Variants in DAPK2 observed in about 807,000 individuals in gnomAD.
DAPK2 encodes the protein death-associated protein kinase 2.
DAPK2 carries 35 observed loss-of-function variants against 44.1 expected under a neutral mutation model. The observed-to-expected ratio is 0.79, with a 90% CI of 0.61 to 1.05. The LOEUF is 1.05. Among genes scored for constraint, DAPK2 ranks in the 50% least tolerant of loss-of-function variants. The pLI is 0.00. For missense variants in DAPK2, 453 were observed against 483.2 expected (o/e 0.94, Z 0.59); for synonymous variants, 174 against 182.6 (o/e 0.95, Z 0.38).
At chr15:63,983,411 C>T in intron 2 of DAPK2, 122 bp downstream of exon 3, 1 of 821,100 alleles carries the variant, frequency 1.2e-6, no homozygotes, top group Non-Finnish European at 1.9e-6. Context: ...ACTGACTTCA[C>T]CTCCTCTGGG....
chr15:63,936,384 G>A (rs2077149484), intron 4 of DAPK2, among the ~76,000 whole-genome samples: 1 of 152,184 alleles, frequency 6.6e-6, no homozygotes, highest in Non-Finnish European at 1.5e-5. Context: ...GCCAAGGCAG[G>A]GGGATCACTT....
chr15:64,003,002 G>C (rs941291319), intron 1 of DAPK2, among the ~76,000 whole-genome samples: 4 of 150,202 alleles, frequency 2.7e-5, no homozygotes, highest in Non-Finnish European at 4.4e-5. Context: ...GTGTGTGTGT[G>C]TGTGTGTGTG....
intron 8 of DAPK2, among the ~76,000 whole-genome samples, chr15:63,915,917 G>A (rs185515091): frequency 7.9e-5 from 12 of 152,258 alleles, no homozygotes; most frequent in Non-Finnish European, 1.8e-4. Context: ...GTTCCCAGAG[G>A]GAATGTGGCA....
chr15:64,002,031 A>G (rs1412372550), intron 1 of DAPK2, among the ~76,000 whole-genome samples: 2 of 152,334 alleles, frequency 1.3e-5, no homozygotes, highest in East Asian at 1.9e-4. Flanking sequence ...TTGAAGAGCA[A>G]CTTCATGATT....
exon 11 of DAPK2, chr15:63,907,906 C>A (rs1396444798): frequency 6.6e-6 from 1 of 152,246 alleles, no homozygotes; most frequent in Non-Finnish European, 1.5e-5. Flanking sequence ...GGGGGTAGCC[C>A]TAAAAGAAGC....
intron 1 of DAPK2, among the ~76,000 whole-genome samples, chr15:64,037,976 T>A (rs1310435270): frequency 6.6e-6 from 1 of 152,164 alleles, no homozygotes; most frequent in African/African-American, 2.4e-5. Context: ...ATGAGCTGCA[T>A]GGGATCTCCA....
At chr15:63,961,747 C>A (rs1051759258) in intron 3 of DAPK2, among the ~76,000 whole-genome samples, 1 of 152,164 alleles carries the variant, frequency 6.6e-6, no homozygotes, top group Admixed American at 6.5e-5. Flanking sequence ...GTGGGTAACC[C>A]GACCTTTCTC....
At chr15:63,955,675 C>G (rs2077704329) in intron 3 of DAPK2, among the ~76,000 whole-genome samples, 1 of 152,122 alleles carries the variant, frequency 6.6e-6, no homozygotes, top group South Asian at 2.1e-4. Flanking sequence ...TTAGGTGATC[C>G]TCCCATCTCA....
intron 1 of DAPK2, among the ~76,000 whole-genome samples, chr15:64,008,603 T>C (rs2079302205): frequency 6.6e-6 from 1 of 152,202 alleles, no homozygotes; most frequent in Admixed American, 6.5e-5. Flanking sequence ...TAGACAATTA[T>C]ATAAACATTA....
At chr15:64,012,234 G>A (rs955662168) in intron 1 of DAPK2, among the ~76,000 whole-genome samples, 2 of 152,134 alleles carry the variant, frequency 1.3e-5, no homozygotes, top group East Asian at 1.9e-4. Flanking sequence ...ACCATACTGC[G>A]GGATGGGAGA....
intron 1 of DAPK2, among the ~76,000 whole-genome samples, chr15:64,004,224 A>G (rs973551285): frequency 2.0e-5 from 3 of 152,016 alleles, no homozygotes; most frequent in African/African-American, 7.3e-5. Flanking sequence ...CCACTTCCTG[A>G]TAGTATTGTT....
At chr15:64,008,313 G>T (rs1355685629) in intron 1 of DAPK2, among the ~76,000 whole-genome samples, 1 of 151,884 alleles carries the variant, frequency 6.6e-6, no homozygotes, top group Non-Finnish European at 1.5e-5. Flanking sequence ...TTCATATATT[G>T]GCCTCAGACA....
Position 63,990,199 on chromosome 15 carries a change from G to C in DAPK2, c.93-6445C>G, listed in dbSNP as rs996873797. Reference sequence around the variant, plus strand: ...TTGTAATCCCAGCACTCTGGGAGGCGGGAGGATCACCTGAGGTCAAGAGTT... The same window carrying C: ...TTGTAATCCCAGCACTCTGGGAGGCCGGAGGATCACCTGAGGTCAAGAGTT... On this transcript the variant is annotated intron_variant, in intron 1 of 10. Transcript: ENST00000261891. This position sits in a 1 kb window ranked among gnomAD's most constrained non-coding sequence, Gnocchi z 4.3. 6.6e-6 allele frequency among the ~76,000 whole-genome samples: 1 copy of C among 152,034 alleles called. No homozygotes were observed. The highest frequency in any genetic ancestry group is 1.5e-5 in the Non-Finnish European group (1 of 68,002).
chr15:63,983,878 C>A, intron 1 of DAPK2, 124 bp from the exon 3 acceptor site: 1 of 930,320 alleles, frequency 1.1e-6, no homozygotes, highest in South Asian at 1.6e-5. Flanking sequence ...AATCATGCCA[C>A]CAGTCTGCAT....
At chr15:63,964,685 GCTCA>G (rs769158993) in intron 3 of DAPK2, among the ~76,000 whole-genome samples, 127 of 151,656 alleles carry the variant, frequency 8.4e-4, no homozygotes, top group African/African-American at 2.5e-3. Flanking sequence ...CTATCTTCAA[GCTCA>G]CTAATTCTTT....
intron 1 of DAPK2, among the ~76,000 whole-genome samples, chr15:63,998,800 C>T (rs964776892): frequency 6.6e-6 from 1 of 152,182 alleles, no homozygotes; most frequent in African/African-American, 2.4e-5. Context: ...AGGGACAGTG[C>T]TGCTTGTTCA....
At chr15:63,985,082 A>G (rs1270996906) in intron 1 of DAPK2, among the ~76,000 whole-genome samples, 1 of 152,224 alleles carries the variant, frequency 6.6e-6, no homozygotes, top group Non-Finnish European at 1.5e-5. Flanking sequence ...CTGTCTGGGC[A>G]TCCAGTCTGT....
At chr15:63,977,055 T>C (rs1052264577) in intron 2 of DAPK2, among the ~76,000 whole-genome samples, 19 of 151,778 alleles carry the variant, frequency 1.3e-4, no homozygotes, top group African/African-American at 3.1e-4. Flanking sequence ...ACAGGACAAG[T>C]GGCCTAGTTT....
intron 3 of DAPK2, among the ~76,000 whole-genome samples, chr15:63,957,375 A>T (rs1243743584): frequency 2.0e-5 from 3 of 151,926 alleles, no homozygotes; most frequent in South Asian, 4.1e-4. Flanking sequence ...TTATTATTAT[A>T]CATTAAGTTC....
Sources: allele counts gnomAD v4.1 joint callset (sites outside exome capture counted in the v4.1 genomes callset), GRCh38; gene constraint gnomAD v4.1.1; non-coding constraint Gnocchi (gnomAD v3.1); transcripts MANE v1.5; gene names NCBI Gene and HGNC (gene_info 2026-07-23, HGNC 2026-07-21).